The following ECPAS variants were observed in gnomAD, a reference collection of about 807,000 sequenced individuals.
ECPAS encodes Ecm29 proteasome adaptor and scaffold, also known as proteasome adapter and scaffold protein ECM29.
ECPAS carries 70 observed loss-of-function variants against 255.1 expected under a neutral mutation model. That is an observed-to-expected ratio of 0.27 (90% confidence interval 0.23 to 0.33). The LOEUF (loss-of-function observed/expected upper bound fraction) is 0.33. Ranked by LOEUF, ECPAS falls within the 10% of genes least tolerant of loss-of-function variation. The probability of loss-of-function intolerance (pLI) is 1.00; values close to 1 mark genes in which losing one functional copy is unlikely to be tolerated. For missense variants in ECPAS, 1,817 were observed against 2,206.4 expected (o/e 0.82, Z 3.54); for synonymous variants, 784 against 775.0 (o/e 1.01, Z -0.19).
In ECPAS at chr9:111,434,896, C is replaced by CTTTTTTT. The variant is rs3031129; in HGVS notation, c.709-1531_709-1525dup. Among the ~76,000 whole-genome samples, 69 of 92,146 alleles carry CTTTTTTT rather than the reference C, an allele frequency of 7.5e-4. 4 individuals carry two copies. Among genetic ancestry groups the CTTTTTTT allele is most frequent in the African/African-American group, 3.1e-3 (64 of 20,810 alleles). The allele number at this position is 92,146 out of a possible 152,430, so 60.5% of individuals were successfully genotyped here. On this transcript the variant is annotated intron_variant, in intron 7 of 49. Transcript: ENST00000684092. ...TACAGGCATGAGCCACCACATCTGG[C>CTTTTTTT]TTTTTTTTTTTTTTTTTTTTTACAC... is the stretch of plus-strand genomic sequence containing the variant.
rs2098311573 is a variant in ECPAS at position 111,484,072 on chromosome 9, G to A, written c.-83+44C>T. On this transcript the variant is annotated intron_variant, in intron 1 of 49. Coordinates refer to ENST00000684092, the MANE Select transcript of ECPAS (RefSeq NM_001364929.1). Reference sequence around the variant, plus strand: ...CGGCCCGGCCTAACCGCGCCGCCGCGCGCGCAGGGCCAGTCCCCCGCGGCC... The same window carrying A: ...CGGCCCGGCCTAACCGCGCCGCCGCACGCGCAGGGCCAGTCCCCCGCGGCC... 4.3e-6 allele frequency: 5 copies of A among 1,157,382 alleles called. No homozygotes were observed. In the South Asian group the frequency reaches 1.6e-4, roughly 37 times the overall value. 71.7% of individuals were successfully genotyped at this position (1,157,382 alleles called of 1,614,324 possible). A position where few individuals can be genotyped will look rare whatever the true frequency, so the allele number is the denominator to read the frequency against.
chr9:111,389,799 A>T, intron 30 of ECPAS, 76 bp from the exon 31 acceptor site: 2 of 1,429,690 alleles, frequency 1.4e-6, no homozygotes, highest in South Asian at 2.8e-5. Flanking sequence ...TTCTCCCTCC[A>T]AACTTATGCC....
At chr9:111,414,352 T>C in intron 19 of ECPAS, 77 bp downstream of exon 19, 2 of 1,267,828 alleles carry the variant, frequency 1.6e-6, no homozygotes, top group East Asian at 2.4e-5. Flanking sequence ...AATTTTGCTA[T>C]AAATTCTTAG....
chr9:111,389,667 A>T lies in ECPAS; in HGVS notation c.3336T>A (p.Pro1112=). 1 of 1,613,950 alleles carries T rather than the reference A, an allele frequency of 6.2e-7. No homozygotes were observed. The highest frequency in any genetic ancestry group is 1.1e-5 in the South Asian group (1 of 91,074). ...IATRAGEQLA[P]FLPQLVPRLY... The stretch of plus-strand genomic sequence containing the variant: ...GTCGAGGAACTAGCTGAGGCAGAAA[A>T]GGAGCCAGCTGCTCTCCAGCTCTGG... Residue 1112 remains proline, a synonymous_variant, in exon 31 of 50, where the codon CCT becomes CCA. Transcript: ENST00000684092.
chr9:111,404,046 A>G (rs748962918), intron 24 of ECPAS, among the ~76,000 whole-genome samples: 15 of 149,970 alleles, frequency 1.0e-4, no homozygotes, highest in Admixed American at 5.9e-4. Flanking sequence ...AGAAAAATTT[A>G]AAATTTCTTG....
chr9:111,438,166 G>A (rs1020080550), intron 6 of ECPAS, among the ~76,000 whole-genome samples: 2 of 152,108 alleles, frequency 1.3e-5, no homozygotes, highest in Non-Finnish European at 2.9e-5. Flanking sequence ...TGTTCCTAAG[G>A]TAAATCTGAA....
At chr9:111,434,718 C>T (rs908240280) in intron 7 of ECPAS, among the ~76,000 whole-genome samples, 7 of 151,236 alleles carry the variant, frequency 4.6e-5, no homozygotes, top group Non-Finnish European at 4.4e-5. Context: ...GCCTCCCCAG[C>T]AGCTGGGGCT....
At chr9:111,474,308 G>C (rs2098293425) in intron 1 of ECPAS, among the ~76,000 whole-genome samples, 1 of 152,054 alleles carries the variant, frequency 6.6e-6, no homozygotes, top group African/African-American at 2.4e-5. Context: ...CCACCTTCTA[G>C]TCTCAGGTCA....
Position 111,409,939 on chromosome 9 carries a change from C to T in ECPAS, c.2550+102G>A, listed in dbSNP as rs978965851. 5 of 850,212 alleles carry T rather than the reference C, an allele frequency of 5.9e-6. No individual in the cohort carries two copies. The African/African-American group carries it at 8.6e-5, about 15-fold the overall frequency. 52.7% of individuals were successfully genotyped at this position (850,212 alleles called of 1,614,324 possible). ...CACCCATTTTTACATTAAATCCTTC[C>T]TCCAGCTGTAATGCCATCTATTCTC... is the stretch of plus-strand genomic sequence containing the variant. On this transcript the variant is annotated intron_variant, in intron 23 of 49. Coordinates refer to ENST00000684092, the MANE Select transcript of ECPAS (RefSeq NM_001364929.1).
At chr9:111,417,580 T>G (rs966501958) in intron 17 of ECPAS, among the ~76,000 whole-genome samples, 9 of 152,056 alleles carry the variant, frequency 5.9e-5, no homozygotes, top group African/African-American at 2.2e-4. Flanking sequence ...ACACTGTTTC[T>G]ACTAAAAATA....
intron 37 of ECPAS, among the ~76,000 whole-genome samples, chr9:111,375,482 T>C (rs1020742955): frequency 6.6e-6 from 1 of 152,186 alleles, no homozygotes; most frequent in African/African-American, 2.4e-5. Flanking sequence ...GAAGAATCTT[T>C]CTGGGCCTAC....
At chr9:111,458,947 C>T (rs1405766356) in intron 2 of ECPAS, among the ~76,000 whole-genome samples, 2 of 152,088 alleles carry the variant, frequency 1.3e-5, no homozygotes, top group Non-Finnish European at 2.9e-5. Flanking sequence ...AGTTCTGACT[C>T]GTTCTAGCTA....
At chr9:111,469,690 T>A (rs1028609308) in intron 2 of ECPAS, among the ~76,000 whole-genome samples, 5 of 151,576 alleles carry the variant, frequency 3.3e-5, no homozygotes, top group African/African-American at 1.2e-4. Flanking sequence ...GCGCCTGTAG[T>A]CCTAGCTACT....
intron 2 of ECPAS, among the ~76,000 whole-genome samples, chr9:111,471,075 C>G (rs2098287441): frequency 6.6e-6 from 1 of 152,106 alleles, no homozygotes; most frequent in South Asian, 2.1e-4. Context: ...TAAGATCCAC[C>G]CAAAGCAGCT....
Position 111,378,724 on chromosome 9 carries a change from G to C in ECPAS, c.3810C>G (p.Asn1270Lys), listed in dbSNP as rs2131547133. 6.2e-7 allele frequency: 1 copy of C among 1,609,500 alleles called. No homozygotes were observed. The highest frequency in any genetic ancestry group is 2.2e-5 in the East Asian group (1 of 44,778). The change falls in exon 36 of 50, where the codon AAC becomes AAG. Residue 1270 changes from asparagine (N) to lysine (K), a missense_variant. Physicochemically the swap from Asn to Lys is moderately conservative, Grantham distance 94. Coordinates refer to ENST00000684092, the MANE Select transcript of ECPAS (RefSeq NM_001364929.1). The stretch of plus-strand genomic sequence containing the variant: ...CACTTTTGCTGATCTTCACAAGGGT[G>C]TTAATGCTACAAACATATGGAACAC... ...TVTEVRALSI[N>K]TLVKISKSAG...
chr9:111,466,670 A>G (rs2098280038), intron 2 of ECPAS, among the ~76,000 whole-genome samples: 1 of 150,366 alleles, frequency 6.7e-6, no homozygotes, highest in African/African-American at 2.5e-5. Context: ...TTTATTTTGG[A>G]GACAGGGTTC....
In ECPAS at chr9:111,436,932, T is replaced by A; in HGVS notation, c.708+8A>T. On this transcript the variant is annotated splice_region_variant and intron_variant, in intron 7 of 49. Transcript: ENST00000684092. ...CAACTACTATTATGAGCAAGCCTTG[T>A]GTGATACCTGTTCCAATTGTTCAGG... 1 of 1,595,040 alleles carries A rather than the reference T, an allele frequency of 6.3e-7. No individual in the cohort carries two copies. The highest frequency in any genetic ancestry group is 1.1e-5 in the South Asian group (1 of 87,452).
At chr9:111,421,196 C>T (rs1564533561) in intron 15 of ECPAS, among the ~76,000 whole-genome samples, 1 of 152,022 alleles carries the variant, frequency 6.6e-6, no homozygotes. Context: ...CACATTTAAC[C>T]CTGTCATATT....
At position 111,394,221 on chromosome 9, in the gene ECPAS, T is replaced by A. The variant is rs1245847300; in HGVS notation, c.2861A>T (p.Gln954Leu). 1.2e-6 allele frequency: 2 copies of A among 1,609,800 alleles called. No individual in the cohort carries two copies. Among genetic ancestry groups the A allele is most frequent in the Non-Finnish European group, 1.7e-6 (2 of 1,177,804 alleles). The change falls in exon 26 of 50, where the codon CAA (glutamine) becomes CTA (leucine). Residue 954 changes from glutamine to leucine, a missense_variant. Around this residue, in one of 4 missense-constraint regions of ECPAS, gnomAD observed 960 missense variants for 1,179.0 expected, o/e 0.81. Transcript: ENST00000684092. The part of the protein sequence containing the change: ...HIISPNPHVR[Q>L]AACIWLLSLV... ...GGAAAGGAGCCAGATGCAGGCTGCTTGCCTCACGTGTGGGTTGGGGCTGAT... is the reference window on the plus strand; with the variant it reads ...GGAAAGGAGCCAGATGCAGGCTGCTAGCCTCACGTGTGGGTTGGGGCTGAT...
Sources: gnomAD v4.1 joint callset for allele counts (sites outside exome capture counted in the v4.1 genomes callset) on GRCh38, gnomAD v4.1.1 for gene constraint, gnomAD v4.1.1 regional missense constraint, MANE v1.5 for transcripts, NCBI Gene and HGNC (gene_info 2026-07-23, HGNC 2026-07-21) for gene names.